Variants in ABCC9 observed in about 807,000 individuals in gnomAD.
ABCC9 encodes the protein ATP binding cassette subfamily C member 9.
ABCC9 carries 95 observed loss-of-function variants against 188.3 expected under a neutral mutation model. The ratio of observed to expected loss-of-function variants is 0.50; its 90% CI spans 0.43 to 0.60. ABCC9 has a LOEUF of 0.60. ABCC9 is among the 20% of genes least tolerant of loss of function. ABCC9 has a pLI of 0.00. For missense variants in ABCC9, 1,102 were observed against 1,876.3 expected (o/e 0.59, Z 7.62); for synonymous variants, 659 against 652.7 (o/e 1.01, Z -0.15).
chr12:21,915,699 A>T lies in ABCC9; in HGVS notation c.785T>A (p.Val262Asp), dbSNP rs1948575256. ...TTCTTCATATGCATCTTTCAGGCAA[A>T]CATAATTTGTTACTGCTCTCATTGC... is the stretch of plus-strand genomic sequence containing the variant. Reference protein sequence around the residue: ...PIAMRAVTNYVCLKDAYEEQK... With the variant: ...PIAMRAVTNYDCLKDAYEEQK... The change falls in exon 7 of 40, where the codon GTT (valine) becomes GAT (aspartate). Residue 262 changes from valine (V) to aspartate (D), a missense_variant. This residue lies in a region of ABCC9 where 305 missense variants were observed against 573.0 expected (regional missense o/e 0.53). Coordinates refer to ENST00000261200, the MANE Select transcript of ABCC9 (RefSeq NM_020297.4). 6.2e-7 allele frequency: 1 copy of T among 1,611,844 alleles called. No homozygotes were observed. Among genetic ancestry groups the T allele is most frequent in the African/African-American group, 1.3e-5 (1 of 74,348 alleles).
At chr12:21,841,277 A>G (rs896677232) in intron 29 of ABCC9, among the ~76,000 whole-genome samples, 1 of 139,728 alleles carries the variant, frequency 7.2e-6, no homozygotes, top group African/African-American at 2.6e-5. Context: ...CTAAACGAAT[A>G]TTTTTTTTCC....
At chr12:21,893,897 A>G in intron 14 of ABCC9, 135 bp downstream of exon 14, 1 of 911,412 alleles carries the variant, frequency 1.1e-6, no homozygotes, top group Non-Finnish European at 1.6e-6. Flanking sequence ...GAAAAGTAGC[A>G]TACCACAATT....
At chr12:21,933,262 A>C (rs1949357248) in intron 4 of ABCC9, among the ~76,000 whole-genome samples, 2 of 151,956 alleles carry the variant, frequency 1.3e-5, no homozygotes, top group Admixed American at 1.3e-4. Flanking sequence ...ATCAGGAAAA[A>C]CAACTAATGG....
intron 32 of ABCC9, 56 bp downstream of exon 32, chr12:21,818,094 G>T: frequency 8.1e-7 from 1 of 1,235,150 alleles, no homozygotes; most frequent in Non-Finnish European, 1.2e-6. Context: ...CCATTTATGA[G>T]TGAGAACATG....
Position 21,842,379 on chromosome 12 carries a change from C to T in ABCC9, c.3408G>A (p.Leu1136=). 6.2e-7 allele frequency: 1 copy of T among 1,614,056 alleles called. No individual in the cohort carries two copies. Among genetic ancestry groups the T allele is most frequent in the African/African-American group, 1.3e-5 (1 of 75,024 alleles). ...CAACACCAAGGGGCAGGAGAGCAAC[C>T]AGGAACACAGGAGTAGCATAAGAAA... is the stretch of plus-strand genomic sequence containing the variant. ...GMISYATPVF[L]VALLPLGVAF... is the part of the protein sequence containing the mutation. Residue 1136 remains leucine, a synonymous_variant, in exon 29 of 40, where the codon CTG becomes CTA. Coordinates refer to ENST00000261200, the MANE Select transcript of ABCC9 (RefSeq NM_020297.4).
At chr12:21,829,291 T>A (rs1047402473) in intron 30 of ABCC9, among the ~76,000 whole-genome samples, 2 of 128,570 alleles carry the variant, frequency 1.6e-5, no homozygotes, top group African/African-American at 5.7e-5. Context: ...AAGCTCCGCC[T>A]CCCGGGCTCA....
In ABCC9 at chr12:21,915,680, A is replaced by C; in HGVS notation, c.804T>G (p.Tyr268Ter). 6.2e-7 allele frequency: 1 copy of C among 1,611,936 alleles called. No individual in the cohort carries two copies. Among genetic ancestry groups the C allele is most frequent in the Non-Finnish European group, 8.5e-7 (1 of 1,179,394 alleles). ...VTNYVCLKDAYEEQKKKVADH... is the reference protein window; with the variant it reads ...VTNYVCLKDA Reference sequence around the variant, plus strand: ...GACGCTAAATCACCTTTTGTTCTTCATATGCATCTTTCAGGCAAACATAAT... The same window carrying C: ...GACGCTAAATCACCTTTTGTTCTTCCTATGCATCTTTCAGGCAAACATAAT... Residue 268 changes from tyrosine (Y) to a stop codon, truncating the protein, a stop_gained, in exon 7 of 40, where the codon TAT (tyrosine) becomes TAG (stop). Transcript: ENST00000261200. LOFTEE classifies it high-confidence loss of function.
Position 21,898,758 on chromosome 12 carries a change from G to A in ABCC9, c.1619-3443C>T, listed in dbSNP as rs1009520572. Among the ~76,000 whole-genome samples the A allele has an allele frequency of 7.9e-5, 12 of 152,166 alleles. No individual in the cohort carries two copies. The South Asian group carries it at 1.2e-3, about 16-fold the overall frequency. On this transcript the variant is annotated intron_variant, in intron 12 of 39. Transcript: ENST00000261200. ...TGTAAAGTATACTAACATAAACCCTGTTATTCATGAGAATACTCAGTCATA... is the reference window on the plus strand; with the variant it reads ...TGTAAAGTATACTAACATAAACCCTATTATTCATGAGAATACTCAGTCATA...
At chr12:21,925,653 C>A (rs1191070725) in intron 5 of ABCC9, 1 of 638,548 alleles carries the variant, frequency 1.6e-6, no homozygotes, top group Non-Finnish European at 2.8e-6. Flanking sequence ...AGCCAGAAGG[C>A]CAGCCATATT....
rs887374001 is a variant in ABCC9 at position 21,805,288 on chromosome 12, A to G, written c.4512+710T>C. On this transcript the variant is annotated intron_variant, in intron 39 of 39. Coordinates refer to ENST00000261200, the MANE Select transcript of ABCC9 (RefSeq NM_020297.4). Reference sequence around the variant, plus strand: ...CAGAAAAGACTAAAACAAGGCCTGCATCCATAATAGAAGAGACACGGTGCT... The same window carrying G: ...CAGAAAAGACTAAAACAAGGCCTGCGTCCATAATAGAAGAGACACGGTGCT... 4 of 1,613,988 alleles carry G rather than the reference A, an allele frequency of 2.5e-6. No homozygotes were observed. The highest frequency in any genetic ancestry group is 3.4e-6 in the Non-Finnish European group (4 of 1,179,984).
intron 12 of ABCC9, among the ~76,000 whole-genome samples, chr12:21,902,983 C>T (rs1947845032): frequency 1.3e-5 from 2 of 152,002 alleles, no homozygotes; most frequent in Non-Finnish European, 2.9e-5. Flanking sequence ...CAGAGACACA[C>T]ACACAAAAAA....
chr12:21,915,723 G>T lies in ABCC9; in HGVS notation c.761C>A (p.Ala254Glu). The T allele has an allele frequency of 6.2e-7, 1 of 1,612,076 alleles. No individual in the cohort carries two copies. The highest frequency in any genetic ancestry group is 1.1e-5 in the South Asian group (1 of 90,984). ...AACATAATTTGTTACTGCTCTCATT[G>T]CTATTGGCAATTTTCCAATTGCCTT... ...DLKAIGKLPI[A>E]MRAVTNYVCL... Residue 254 changes from alanine to glutamate, a missense_variant, in exon 7 of 40, where the codon GCA becomes GAA. By Grantham distance (107) the Ala-to-Glu change is moderately radical. Transcript: ENST00000261200.
chr12:21,934,601 A>G (rs1219536411), intron 3 of ABCC9, among the ~76,000 whole-genome samples: 1 of 152,080 alleles, frequency 6.6e-6, no homozygotes, highest in Admixed American at 6.6e-5. Context: ...AAAGTACTAT[A>G]CAGTTTAGTT....
chr12:21,854,298 T>C (rs1183224096), intron 22 of ABCC9, among the ~76,000 whole-genome samples: 1 of 152,240 alleles, frequency 6.6e-6, no homozygotes, highest in African/African-American at 2.4e-5. Flanking sequence ...TTTGTCTGCA[T>C]AGATAGAAAC....
intron 5 of ABCC9, among the ~76,000 whole-genome samples, chr12:21,920,036 C>A (rs919606169): frequency 3.3e-5 from 5 of 151,968 alleles, no homozygotes; most frequent in African/African-American, 1.2e-4. Context: ...AAATTCAACA[C>A]CCATTCAAGA....
intron 18 of ABCC9, chr12:21,869,689 G>A (rs1191655302): frequency 6.6e-6 from 1 of 152,084 alleles, no homozygotes. Flanking sequence ...ATATTGCCTT[G>A]TTTTATCATT....
At chr12:21,905,236 C>T (rs1427819834) in intron 12 of ABCC9, among the ~76,000 whole-genome samples, 1 of 151,218 alleles carries the variant, frequency 6.6e-6, no homozygotes, top group Non-Finnish European at 1.5e-5. Flanking sequence ...ACACTTGGAC[C>T]CCTCACATCA....
chr12:21,816,082 G>GTTTTTTTTTTT (rs1325095522), intron 33 of ABCC9, among the ~76,000 whole-genome samples, 189 bp from the exon 34 acceptor site: 283 of 57,208 alleles, frequency 4.9e-3, no homozygotes, highest in Middle Eastern at 0.015. Flanking sequence ...TTTTTTTTTA[G>GTTTTTTTTTTT]TTTAAATCAC....
At chr12:21,842,751 G>T (rs749173093) in intron 28 of ABCC9, among the ~76,000 whole-genome samples, 2 of 152,210 alleles carry the variant, frequency 1.3e-5, no homozygotes, top group East Asian at 3.9e-4. Flanking sequence ...TCATGTGTTT[G>T]TTTACTGAGC....
Sources: gnomAD v4.1 joint callset for allele counts (sites outside exome capture counted in the v4.1 genomes callset) on GRCh38, gnomAD v4.1.1 for gene constraint, gnomAD v4.1.1 regional missense constraint, MANE v1.5 for transcripts, NCBI Gene and HGNC (gene_info 2026-07-23, HGNC 2026-07-21) for gene names.